Variants in TENM2 observed in about 807,000 individuals in gnomAD.
TENM2 encodes teneurin-2.
In TENM2, 52 loss-of-function variants were observed where a neutral mutation model predicts 245.2. The ratio of observed to expected loss-of-function variants is 0.21; its 90% CI spans 0.17 to 0.27. The LOEUF is 0.27. TENM2 is among the 10% of genes least tolerant of loss of function. The pLI is 1.00. For synonymous variants in TENM2, 1,363 were observed against 1,438.9 expected (o/e 0.95, Z 1.19); for missense variants, 3,046 against 3,666.8 (o/e 0.83, Z 4.37).
At chr5:167,550,699 A>AGTGTGTGT (rs10581183) in intron 2 of TENM2, among the ~76,000 whole-genome samples, 15 of 114,168 alleles carry the variant, frequency 1.3e-4, no homozygotes, top group African/African-American at 1.7e-4. Context: ...TGTTGTTGTT[A>AGTGTGTGT]GTGTGTGTGT....
chr5:167,606,545 A>G (rs561502556), intron 2 of TENM2, among the ~76,000 whole-genome samples: 2 of 152,266 alleles, frequency 1.3e-5, no homozygotes, highest in African/African-American at 4.8e-5. Context: ...ATGCCATCAC[A>G]TTGGAGGGCT....
intron 2 of TENM2, among the ~76,000 whole-genome samples, chr5:167,541,058 G>A (rs1772176213): frequency 2.6e-5 from 4 of 152,192 alleles, no homozygotes; most frequent in Admixed American, 2.0e-4. Context: ...GAATAAGATG[G>A]AAAGGGGATA....
chr5:167,770,705 T>C (rs2150763761), intron 2 of TENM2, among the ~76,000 whole-genome samples: 1 of 152,288 alleles, frequency 6.6e-6, no homozygotes, highest in Non-Finnish European at 1.5e-5. Flanking sequence ...GTAGGGTCTG[T>C]TACGTAAGTC....
Position 168,183,731 on chromosome 5 carries a change from G to A in TENM2, c.2570-6606G>A, listed in dbSNP as rs79247726. ...TCTCAAAAACGACCCTGAGTCACGG[G>A]GTTCACCACCTGACTACCCAGACTT... On this transcript the variant is annotated intron_variant, in intron 13 of 28. Transcript: ENST00000518659. Among the ~76,000 whole-genome samples, 6 of 151,924 alleles carry A rather than the reference G, an allele frequency of 3.9e-5. No homozygotes were observed. The East Asian group carries it at 1.2e-3, about 29-fold the overall frequency.
At position 167,649,172 on chromosome 5, in the gene TENM2, TCTGAGCAACAC is replaced by T. The variant is rs201794503; in HGVS notation, c.503-226808_503-226798del. Among the ~76,000 whole-genome samples the T allele has an allele frequency of 3.9e-4, 59 of 152,290 alleles. No individual in the cohort carries two copies. In the East Asian group the frequency reaches 9.1e-3, roughly 23 times the overall value. The stretch of plus-strand genomic sequence containing the variant: ...CTGATTAATGCTACCATGAACTTTT[TCTGAGCAACAC>T]CTGAGTAGTGCTACCATCTCTTGCA... On this transcript the variant is annotated intron_variant, in intron 2 of 28. Transcript: ENST00000518659.
the TENM2 span, among the ~76,000 whole-genome samples, chr5:167,186,796 A>G: frequency 6.6e-6 from 1 of 152,226 alleles, no homozygotes; most frequent in Non-Finnish European, 1.5e-5. Context: ...TAGAAAGTCC[A>G]ATTGTGTGAA....
At chr5:167,131,195 A>G in the TENM2 span, among the ~76,000 whole-genome samples, 1 of 152,176 alleles carries the variant, frequency 6.6e-6, no homozygotes, top group South Asian at 2.1e-4. Context: ...TGTTCTCACC[A>G]TGGTACAAAC....
the TENM2 span, among the ~76,000 whole-genome samples, chr5:167,043,606 T>C: frequency 6.6e-6 from 1 of 152,130 alleles, no homozygotes; most frequent in Non-Finnish European, 1.5e-5. Context: ...GAGACAGAGC[T>C]GAAGAGGAAA....
At chr5:167,477,510 A>C (rs1431517998) in intron 2 of TENM2, among the ~76,000 whole-genome samples, 1 of 152,190 alleles carries the variant, frequency 6.6e-6, no homozygotes, top group Non-Finnish European at 1.5e-5. Flanking sequence ...TTTGTATGTA[A>C]TAATAATAGC....
At chr5:167,043,734 G>A in the TENM2 span, among the ~76,000 whole-genome samples, 71 of 152,150 alleles carry the variant, frequency 4.7e-4, no homozygotes, top group Non-Finnish European at 7.5e-4. Context: ...GTTCTAAGCC[G>A]GGCGCGGTGG....
rs149723821 is a variant in TENM2 at position 168,256,688 on chromosome 5, A to G, written c.7433-3595A>G. On this transcript the variant is annotated intron_variant, in intron 27 of 28. Transcript: ENST00000518659. Reference sequence around the variant, plus strand: ...GATCCACCCGCCTCGGCCTCCCAAAATGCTGGGATTGCAGGCATGAGCCAC... The same window carrying G: ...GATCCACCCGCCTCGGCCTCCCAAAGTGCTGGGATTGCAGGCATGAGCCAC... Among the ~76,000 whole-genome samples, 1,407 of 152,102 alleles carry G rather than the reference A, an allele frequency of 9.3e-3. 21 individuals carry two copies. Among genetic ancestry groups the G allele is most frequent in the African/African-American group, 0.032 (1,344 of 41,496 alleles).
intron 2 of TENM2, among the ~76,000 whole-genome samples, chr5:167,704,448 T>G (rs1758369327): frequency 6.6e-6 from 1 of 152,200 alleles, no homozygotes; most frequent in African/African-American, 2.4e-5. Context: ...ATCAGTGTGT[T>G]AGGTGAAGTC....
At chr5:167,646,128 A>G (rs919320993) in intron 2 of TENM2, among the ~76,000 whole-genome samples, 2 of 141,122 alleles carry the variant, frequency 1.4e-5, no homozygotes, top group African/African-American at 5.2e-5. Flanking sequence ...ATGTGCATAT[A>G]TATGTTTTTA....
chr5:167,375,611 G>T (rs1760701083), intron 2 of TENM2, 138 bp downstream of exon 4: 3 of 885,436 alleles, frequency 3.4e-6, no homozygotes, highest in Non-Finnish European at 5.1e-6. Flanking sequence ...CCCAGTGTGA[G>T]CTGGGGGGAA....
chr5:167,727,097 T>A (rs189885255), intron 2 of TENM2, among the ~76,000 whole-genome samples: 25 of 146,080 alleles, frequency 1.7e-4, no homozygotes, highest in Middle Eastern at 7.0e-3. Flanking sequence ...AATGAATCCA[T>A]TAATTTCTTT....
At chr5:167,246,622 C>G in the TENM2 span, among the ~76,000 whole-genome samples, 1 of 151,964 alleles carries the variant, frequency 6.6e-6, no homozygotes, top group Non-Finnish European at 1.5e-5. Context: ...TAACCGTATC[C>G]TCAAATTCTT....
intron 2 of TENM2, among the ~76,000 whole-genome samples, chr5:167,616,390 G>A (rs571394431): frequency 3.9e-5 from 6 of 152,238 alleles, no homozygotes; most frequent in Admixed American, 3.3e-4. Flanking sequence ...GCCATTTGTA[G>A]AGATGGCAGT....
intron 5 of TENM2, among the ~76,000 whole-genome samples, chr5:167,998,562 T>C (rs1052185573): frequency 6.6e-6 from 1 of 152,116 alleles, no homozygotes; most frequent in Non-Finnish European, 1.5e-5. Context: ...CAACATACAC[T>C]GAGCTTCTGC....
chr5:167,443,019 T>TG (rs1292614537), intron 2 of TENM2, among the ~76,000 whole-genome samples: 2 of 152,194 alleles, frequency 1.3e-5, no homozygotes, highest in Non-Finnish European at 2.9e-5. Flanking sequence ...AAAATGAAGT[T>TG]GCAGTGTGTA....
Sources: allele counts gnomAD v4.1 joint callset (sites outside exome capture counted in the v4.1 genomes callset), GRCh38; gene constraint gnomAD v4.1.1; transcripts MANE v1.5; gene names NCBI Gene and HGNC (gene_info 2026-07-23, HGNC 2026-07-21).